The following STK32B variants were observed in gnomAD, a reference collection of about 807,000 sequenced individuals.
STK32B encodes the protein serine/threonine kinase 32B, also known as serine/threonine-protein kinase 32B.
In STK32B, 43 loss-of-function variants were observed where a neutral mutation model predicts 52.6. The ratio of observed to expected loss-of-function variants is 0.82; its 90% CI spans 0.64 to 1.05. The LOEUF is 1.05. STK32B is among the 50% of genes least tolerant of loss of function. The pLI is 0.00. For synonymous variants in STK32B, 238 were observed against 204.3 expected (o/e 1.17, Z -1.41); for missense variants, 621 against 534.6 (o/e 1.16, Z -1.59).
At chr4:5,088,850 T>G (rs925097870) in intron 1 of STK32B, among the ~76,000 whole-genome samples, 2 of 151,514 alleles carry the variant, frequency 1.3e-5, no homozygotes, top group Non-Finnish European at 2.9e-5. Context: ...ACAAGGAAGA[T>G]CTCAAATCAA....
intron 3 of STK32B, among the ~76,000 whole-genome samples, chr4:5,197,673 A>G (rs1721794840): frequency 6.6e-6 from 1 of 152,390 alleles, no homozygotes; most frequent in East Asian, 1.9e-4. Flanking sequence ...TGCTTTTGCA[A>G]CAGTTATACC....
intron 4 of STK32B, among the ~76,000 whole-genome samples, chr4:5,339,107 C>T (rs1377546545): frequency 6.6e-6 from 1 of 152,124 alleles, no homozygotes; most frequent in Non-Finnish European, 1.5e-5. Context: ...ATCACTGCTC[C>T]AGGTTTTTGG....
At position 5,139,883 on chromosome 4, in the gene STK32B, CCTTTTTTGTTTT is replaced by C; in HGVS notation, c.53-16_53-5del. On this transcript the variant is annotated splice_polypyrimidine_tract_variant and intron_variant, in intron 1 of 11. Coordinates refer to ENST00000282908, the MANE Select transcript of STK32B (RefSeq NM_018401.3). ...CAGGTTTAGCAAATCTGACTTGTTT[CCTTTTTTGTTTT>C]CTTTTGCAGTCAACTTTGACCATTT... 6.2e-7 allele frequency: 1 copy of C among 1,614,074 alleles called. No homozygotes were observed. Among genetic ancestry groups the C allele is most frequent in the East Asian group, 2.2e-5 (1 of 44,880 alleles).
At chr4:5,452,665 G>GA (rs1281012410) in intron 7 of STK32B, among the ~76,000 whole-genome samples, 26 of 150,808 alleles carry the variant, frequency 1.7e-4, no homozygotes, top group Non-Finnish European at 2.5e-4. Context: ...AAGATTTTGG[G>GA]AAAAAAAAAT....
Position 5,205,914 on chromosome 4 carries a change from A to G in STK32B, c.260+37464A>G, listed in dbSNP as rs562700448. ...AGGTTAGGGCAGGATCCTGGGCCAA[A>G]GGAATGGAAGATACTTTAATTAGTC... On this transcript the variant is annotated intron_variant, in intron 3 of 11. Transcript: ENST00000282908. Among the ~76,000 whole-genome samples the G allele has an allele frequency of 2.0e-5, 3 of 152,302 alleles. No individual in the cohort carries two copies. In the South Asian group the frequency reaches 6.2e-4, roughly 32 times the overall value.
intron 3 of STK32B, among the ~76,000 whole-genome samples, chr4:5,219,078 G>A (rs1345145381): frequency 6.6e-6 from 1 of 152,244 alleles, no homozygotes; most frequent in Non-Finnish European, 1.5e-5. Flanking sequence ...TGCTGTGTCT[G>A]TTGGCTCTGT....
In STK32B at chr4:5,372,626, G is replaced by A. The variant is rs551335296; in HGVS notation, c.435-25581G>A. On this transcript the variant is annotated intron_variant, in intron 4 of 11. Transcript: ENST00000282908. The stretch of plus-strand genomic sequence containing the variant: ...CTCTGTTCCCATCTTTTCTGGGTCA[G>A]TGGACTATTTAATAAAATTTCAGCT... 1.7e-3 allele frequency among the ~76,000 whole-genome samples: 257 copies of A among 151,892 alleles called. 1 individual carries two copies. Among genetic ancestry groups the A allele is most frequent in the African/African-American group, 5.1e-3 (210 of 41,376 alleles).
chr4:5,277,125 T>C (rs1727875763), intron 3 of STK32B, among the ~76,000 whole-genome samples: 1 of 152,190 alleles, frequency 6.6e-6, no homozygotes, highest in Non-Finnish European at 1.5e-5. Flanking sequence ...TGGTTTGGGC[T>C]TTTTTCTTTG....
At chr4:5,495,949 T>A (rs181339200) in intron 11 of STK32B, among the ~76,000 whole-genome samples, 4 of 152,272 alleles carry the variant, frequency 2.6e-5, no homozygotes, top group South Asian at 2.1e-4. Context: ...TTTGTCTCAG[T>A]GGAGTACCCG....
chr4:5,443,392 G>A (rs566475779), intron 6 of STK32B, among the ~76,000 whole-genome samples: 5 of 151,690 alleles, frequency 3.3e-5, no homozygotes, highest in Admixed American at 2.0e-4. Flanking sequence ...CCAGTTGATC[G>A]CATCGGCTCC....
chr4:5,169,269 G>T (rs1719142156), intron 3 of STK32B, among the ~76,000 whole-genome samples: 1 of 152,178 alleles, frequency 6.6e-6, no homozygotes, highest in African/African-American at 2.4e-5. Flanking sequence ...TTTCTGGGTA[G>T]TCTAACACAG....
At chr4:5,291,689 G>A (rs1367820852) in intron 3 of STK32B, among the ~76,000 whole-genome samples, 4 of 152,064 alleles carry the variant, frequency 2.6e-5, no homozygotes, top group Non-Finnish European at 4.4e-5. Context: ...ACAGTGTTGA[G>A]TAGAAGTGGT....
chr4:5,118,449 C>T (rs1389002985), intron 1 of STK32B, among the ~76,000 whole-genome samples: 1 of 152,220 alleles, frequency 6.6e-6, no homozygotes, highest in Admixed American at 6.5e-5. Context: ...ACCGAACTCA[C>T]TCCCGCCCCA....
intron 1 of STK32B, among the ~76,000 whole-genome samples, chr4:5,099,521 G>T (rs534588567): frequency 6.6e-6 from 1 of 152,150 alleles, no homozygotes. Context: ...GGTGTGGCAG[G>T]GTTATGCCCA....
At chr4:5,140,097 A>G (rs915072738) in intron 2 of STK32B, 137 bp downstream of exon 2, 68 of 1,439,364 alleles carry the variant, frequency 4.7e-5, no homozygotes, top group Non-Finnish European at 5.3e-5. Flanking sequence ...TGTGAAAGGA[A>G]GTCTGAATAG....
chr4:5,289,486 C>A (rs1231576502), intron 3 of STK32B, among the ~76,000 whole-genome samples: 1 of 151,762 alleles, frequency 6.6e-6, no homozygotes, highest in Non-Finnish European at 1.5e-5. Flanking sequence ...TGTCTCCCAG[C>A]CAATAAATAT....
chr4:5,165,022 G>GC (rs1464737255), intron 2 of STK32B, among the ~76,000 whole-genome samples: 1 of 152,200 alleles, frequency 6.6e-6, no homozygotes, highest in Non-Finnish European at 1.5e-5. Context: ...AGAGGGCTAG[G>GC]CCCAGAGCCC....
chr4:5,113,925 CG>C (rs33953988), intron 1 of STK32B, among the ~76,000 whole-genome samples: 45,664 of 103,520 alleles, frequency 0.44, 7,016 homozygotes, highest in Middle Eastern at 0.48. Flanking sequence ...CAGGGAAACC[CG>C]CCCCCCTTTT....
chr4:5,080,937 CCAA>C (rs374635409), intron 1 of STK32B, among the ~76,000 whole-genome samples: 5 of 152,252 alleles, frequency 3.3e-5, no homozygotes, highest in African/African-American at 1.2e-4. Context: ...TACCTTTTAG[CCAA>C]CAGCTCCCTA....
Sources: gnomAD v4.1 joint callset for allele counts (sites outside exome capture counted in the v4.1 genomes callset) on GRCh38, gnomAD v4.1.1 for gene constraint, MANE v1.5 for transcripts, NCBI Gene and HGNC (gene_info 2026-07-23, HGNC 2026-07-21) for gene names.